Variants in POLR1A observed in about 807,000 individuals in gnomAD.
POLR1A encodes RNA polymerase I subunit A.
POLR1A carries 84 observed loss-of-function variants against 205.3 expected under a neutral mutation model. That is an observed-to-expected ratio of 0.41 (90% CI 0.34 to 0.49). The LOEUF is 0.49. Ranked by LOEUF, POLR1A falls within the 20% of genes least tolerant of loss-of-function variation. The probability of loss-of-function intolerance (pLI) is 0.22; values close to 1 mark genes in which losing one functional copy is unlikely to be tolerated. For missense variants in POLR1A, 1,645 were observed against 2,204.5 expected, an observed-to-expected ratio of 0.75 and a Z score of 5.08; for synonymous variants, 799 against 863.7, an observed-to-expected ratio of 0.93 and a Z score of 1.31.
chr2:86,032,595 T>C (rs1672418542), intron 28 of POLR1A, among the ~76,000 whole-genome samples: 1 of 151,948 alleles, frequency 6.6e-6, no homozygotes, highest in African/African-American at 2.4e-5. Flanking sequence ...CTCCTTCCCT[T>C]CAGTCTTCAT....
Position 86,083,124 on chromosome 2 carries a change from T to A in POLR1A, c.775A>T (p.Thr259Ser). ...QIGKRGYLTPTSAREHLSALW... is the reference protein window; with the variant it reads ...QIGKRGYLTPSSAREHLSALW... ...GCAGAAAGGTGTTCGCGGGCACTGGTGGGTGTTAAGTATCCTCGTTTTCCT... is the reference window on the plus strand; with the variant it reads ...GCAGAAAGGTGTTCGCGGGCACTGGAGGGTGTTAAGTATCCTCGTTTTCCT... Residue 259 changes from threonine to serine, a missense_variant, in exon 7 of 34, where the codon ACC becomes TCC. Transcript: ENST00000263857. The A allele has an allele frequency of 6.2e-7, 1 of 1,614,096 alleles. No individual in the cohort carries two copies. Among genetic ancestry groups the A allele is most frequent in the East Asian group, 2.2e-5 (1 of 44,886 alleles).
At position 86,027,266 on chromosome 2, in the gene POLR1A, G is replaced by A; in HGVS notation, c.*157C>T. 1 of 651,080 alleles carries A rather than the reference G, an allele frequency of 1.5e-6. No individual in the cohort carries two copies. Among genetic ancestry groups the A allele is most frequent in the Non-Finnish European group, 2.8e-6 (1 of 361,130 alleles). The allele number at this position is 651,080 out of a possible 1,614,324, so 40.3% of individuals were successfully genotyped here. A position where few individuals can be genotyped will look rare whatever the true frequency, so the allele number is the denominator to read the frequency against. On this transcript the variant is annotated 3_prime_UTR_variant, in exon 34 of 34. Transcript: ENST00000263857. ...CAGGTGAAGCTGGCCCAGCTCAGAGGCCCACTGCTTTCAGGCCCAAGGTCG... is the reference window on the plus strand; with the variant it reads ...CAGGTGAAGCTGGCCCAGCTCAGAGACCCACTGCTTTCAGGCCCAAGGTCG...
At position 86,057,510 on chromosome 2, in the gene POLR1A, C is replaced by T. The variant is rs190364874; in HGVS notation, c.2059-3221G>A. ...ACACGTTCATACAAAAACTGGTACA[C>T]AAATGTTCATTGCAGGTTTATTTGT... On this transcript the variant is annotated intron_variant, in intron 14 of 33. Coordinates refer to ENST00000263857, the MANE Select transcript of POLR1A (RefSeq NM_015425.6). Among the ~76,000 whole-genome samples, 5 of 152,210 alleles carry T rather than the reference C, an allele frequency of 3.3e-5. No individual in the cohort carries two copies. In the East Asian group the frequency reaches 9.6e-4, roughly 29 times the overall value.
chr2:86,065,177 T>G lies in POLR1A; in HGVS notation c.2058+97A>C, dbSNP rs780977273. The G allele has an allele frequency of 2.7e-6, 3 of 1,117,940 alleles. No homozygotes were observed. The African/African-American group carries it at 4.7e-5, about 18-fold the overall frequency. 69.3% of individuals were successfully genotyped at this position (1,117,940 alleles called of 1,614,324 possible). ...TCAGACTATTGCTGGCTTAGCCATT[T>G]CTCTGTCTCTGGTCTGGACTCTTCT... is the stretch of plus-strand genomic sequence containing the variant. On this transcript the variant is annotated intron_variant, in intron 14 of 33. Coordinates refer to ENST00000263857, the MANE Select transcript of POLR1A (RefSeq NM_015425.6).
Position 86,080,983 on chromosome 2 carries a change from A to G in POLR1A, c.924-5T>C, listed in dbSNP as rs1673390074. ...AGGCGACTGACTGGGCGATACCTGC[A>G]GGGGGACATACGGAATAAATGAATG... is the stretch of plus-strand genomic sequence containing the variant. On this transcript the variant is annotated splice_polypyrimidine_tract_variant and splice_region_variant and intron_variant, in intron 8 of 33. Coordinates refer to ENST00000263857, the MANE Select transcript of POLR1A (RefSeq NM_015425.6). The G allele has an allele frequency of 3.1e-6, 5 of 1,608,014 alleles. No individual in the cohort carries two copies. In the East Asian group the frequency reaches 6.7e-5, roughly 22 times the overall value.
At position 86,077,795 on chromosome 2, in the gene POLR1A, C is replaced by A. The variant is rs1016225440; in HGVS notation, c.1380+64G>T. On this transcript the variant is annotated intron_variant, in intron 11 of 33. Coordinates refer to ENST00000263857, the MANE Select transcript of POLR1A (RefSeq NM_015425.6). ...CTGCCACCCACGGGGAGCAAATGAGCCCTGCACGCGCGCGCGCACACACAC... is the reference window on the plus strand; with the variant it reads ...CTGCCACCCACGGGGAGCAAATGAGACCTGCACGCGCGCGCGCACACACAC... 16 of 1,570,282 alleles carry A rather than the reference C, an allele frequency of 1.0e-5. No homozygotes were observed. The South Asian group carries it at 1.4e-4, about 14-fold the overall frequency.
rs1402349087 is a variant in POLR1A, at chr2:86,025,744, C to G, written c.*1679G>C. 2 of 152,280 alleles carry G rather than the reference C, an allele frequency of 1.3e-5. No individual in the cohort carries two copies. The highest frequency in any genetic ancestry group is 4.8e-5 in the African/African-American group (2 of 41,472). 9.4% of individuals were successfully genotyped at this position (152,280 alleles called of 1,614,324 possible). A position where few individuals can be genotyped will look rare whatever the true frequency, so the allele number is the denominator to read the frequency against. ...TACTTTGTGATCTCCTTCAAGGACACTCTCACAATTCTAGTGTGTGTAGAA... is the reference window on the plus strand; with the variant it reads ...TACTTTGTGATCTCCTTCAAGGACAGTCTCACAATTCTAGTGTGTGTAGAA... On this transcript the variant is annotated 3_prime_UTR_variant, in exon 34 of 34. Coordinates refer to ENST00000263857, the MANE Select transcript of POLR1A (RefSeq NM_015425.6).
intron 31 of POLR1A, among the ~76,000 whole-genome samples, chr2:86,029,093 G>A (rs556135381): frequency 6.6e-6 from 1 of 152,356 alleles, no homozygotes; most frequent in African/African-American, 2.4e-5. Flanking sequence ...CCCCTCCAGG[G>A]TGCATGGAGT....
intron 16 of POLR1A, 140 bp from the exon 17 acceptor site, chr2:86,049,382 A>G: frequency 1.6e-6 from 1 of 643,392 alleles, no homozygotes; most frequent in South Asian, 1.8e-5. Context: ...TATTAACATC[A>G]TTATTAACAG....
intron 12 of POLR1A, among the ~76,000 whole-genome samples, chr2:86,072,332 A>T (rs1673195263): frequency 6.6e-6 from 1 of 152,224 alleles, no homozygotes; most frequent in Admixed American, 6.5e-5. Flanking sequence ...TGCGTCATAC[A>T]AGCTGAGGTC....
At chr2:86,082,268 G>C (rs1673418067) in intron 7 of POLR1A, among the ~76,000 whole-genome samples, 1 of 152,120 alleles carries the variant, frequency 6.6e-6, no homozygotes, top group African/African-American at 2.4e-5. Flanking sequence ...GGCAAGGATG[G>C]GGAAGAAACT....
At chr2:86,076,675 G>C (rs985368154) in intron 11 of POLR1A, among the ~76,000 whole-genome samples, 17 of 152,028 alleles carry the variant, frequency 1.1e-4, no homozygotes, top group African/African-American at 3.9e-4. Context: ...CTCCTCCAGG[G>C]ACAAGCCACT....
Position 86,043,070 on chromosome 2 carries a change from G to A in POLR1A, c.3261C>T (p.Gly1087=), listed in dbSNP as rs777363447. The change falls in exon 23 of 34, where the codon GGC becomes GGT. Residue 1087 remains glycine (G), a synonymous_variant. Coordinates refer to ENST00000263857, the MANE Select transcript of POLR1A (RefSeq NM_015425.6). ...TTTTCTGGGAATAACTCAAGAAGGCGCCTCTTCTCAGCAGGGTGTTGGGGT... is the reference window on the plus strand; with the variant it reads ...TTTTCTGGGAATAACTCAAGAAGGCACCTCTTCTCAGCAGGGTGTTGGGGT... ...SKHPNTLLRR[G]AFLSYSQKIQ... 135 of 1,614,008 alleles carry A rather than the reference G, an allele frequency of 8.4e-5. No individual in the cohort carries two copies. The highest frequency in any genetic ancestry group is 1.0e-4 in the Non-Finnish European group (122 of 1,179,996).
At position 86,027,874 on chromosome 2, in the gene POLR1A, C is replaced by G; in HGVS notation, c.5062+11G>C. On this transcript the variant is annotated intron_variant, in intron 33 of 33. Transcript: ENST00000263857. ...TAGAGGGGAGGCCAGGGCTCCTGCC[C>G]ACGCACTAACCCAGCATGGTGGCTT... 2 of 1,614,052 alleles carry G rather than the reference C, an allele frequency of 1.2e-6. No individual in the cohort carries two copies. Among genetic ancestry groups the G allele is most frequent in the Non-Finnish European group, 1.7e-6 (2 of 1,179,918 alleles).
At chr2:86,102,820 G>C (rs937002680) in intron 1 of POLR1A, among the ~76,000 whole-genome samples, 4 of 152,238 alleles carry the variant, frequency 2.6e-5, no homozygotes, top group African/African-American at 9.6e-5. Context: ...ACTTAGGTTT[G>C]AAGATGACCT....
Position 86,021,487 on chromosome 2 carries a change from CA to C in POLR1A, c.*5935del, listed in dbSNP as rs1690135947. The C allele has an allele frequency of 6.6e-6, 1 of 152,524 alleles. No individual in the cohort carries two copies. Among genetic ancestry groups the C allele is most frequent in the East Asian group, 1.9e-4 (1 of 5,196 alleles). The allele number at this position is 152,524 out of a possible 1,614,324, so 9.4% of individuals were successfully genotyped here. A position where few individuals can be genotyped will look rare whatever the true frequency, so the allele number is the denominator to read the frequency against. On this transcript the variant is annotated 3_prime_UTR_variant, in exon 34 of 34. Transcript: ENST00000263857. ...CCCTCCCTTCTGGCTGTTGAACACC[CA>C]AGTACCTCCCCACTGTCCTCTCCAC...
chr2:86,103,639 T>C (rs959116777), intron 1 of POLR1A, among the ~76,000 whole-genome samples: 1 of 152,234 alleles, frequency 6.6e-6, no homozygotes, highest in Non-Finnish European at 1.5e-5. Context: ...GCTAGCACAC[T>C]GTTACCAATG....
At position 86,089,930 on chromosome 2, in the gene POLR1A, C is replaced by G; in HGVS notation, c.433-1G>C. On this transcript the variant is annotated splice_acceptor_variant, in intron 3 of 33. Transcript: ENST00000263857. LOFTEE classifies it high-confidence loss of function. ...AGGGATCGGGATTTTCTTCCAGAAA[C>G]TGGAAAACAAAGAGGAAAACTCCAT... is the stretch of plus-strand genomic sequence containing the variant. The G allele has an allele frequency of 6.6e-7, 1 of 1,519,340 alleles. No individual in the cohort carries two copies. Among genetic ancestry groups the G allele is most frequent in the Non-Finnish European group, 9.2e-7 (1 of 1,092,652 alleles). 94.1% of individuals were successfully genotyped at this position (1,519,340 alleles called of 1,614,324 possible).
chr2:86,048,772 G>T, intron 18 of POLR1A, 112 bp downstream of exon 18: 1 of 933,866 alleles, frequency 1.1e-6, no homozygotes, highest in Non-Finnish European at 1.7e-6. Flanking sequence ...CACCTAGTCA[G>T]CTGTTCAACA....
Sources: gnomAD v4.1 joint callset for allele counts (sites outside exome capture counted in the v4.1 genomes callset) on GRCh38, gnomAD v4.1.1 for gene constraint, MANE v1.5 for transcripts, NCBI Gene and HGNC (gene_info 2026-07-23, HGNC 2026-07-21) for gene names.